The following LRP1B variants were observed in gnomAD, a reference collection of about 807,000 sequenced individuals.
The protein encoded by LRP1B is low-density lipoprotein receptor-related protein 1B.
LRP1B carries 217 observed loss-of-function variants against 556.6 expected under a neutral mutation model. The ratio of observed to expected loss-of-function variants is 0.39; its 90% CI spans 0.35 to 0.44. The LOEUF is 0.44. Among genes scored for constraint, LRP1B ranks in the 20% least tolerant of loss-of-function variants. LRP1B has a pLI of 1.00. For missense variants in LRP1B, 5,053 were observed against 5,620.8 expected, an observed-to-expected ratio of 0.90 and a Z score of 3.23; for synonymous variants, 2,047 against 1,865.8, an observed-to-expected ratio of 1.10 and a Z score of -2.50.
chr2:141,960,434 A>G (rs1047727572), intron 1 of LRP1B, among the ~76,000 whole-genome samples: 3 of 151,864 alleles, frequency 2.0e-5, no homozygotes, highest in Admixed American at 2.0e-4. Context: ...TTTAATTCTC[A>G]GGAAGGCTAT....
chr2:141,923,282 C>T (rs1471522808), intron 1 of LRP1B, among the ~76,000 whole-genome samples: 1 of 150,834 alleles, frequency 6.6e-6, no homozygotes, highest in Non-Finnish European at 1.5e-5. Context: ...TACAGATGGC[C>T]TAATATGTTA....
chr2:141,670,198 T>G (rs1474518484), intron 2 of LRP1B, among the ~76,000 whole-genome samples: 2 of 152,180 alleles, frequency 1.3e-5, no homozygotes, highest in Non-Finnish European at 1.5e-5. Context: ...CCCCTCAGCC[T>G]CTTCATTAGA....
intron 2 of LRP1B, among the ~76,000 whole-genome samples, chr2:141,547,548 C>T (rs116398712): frequency 0.013 from 2,014 of 152,242 alleles, 52 homozygotes; most frequent in African/African-American, 0.045. Context: ...ACTTCTCTAG[C>T]TGTAACTGTT....
intron 77 of LRP1B, among the ~76,000 whole-genome samples, chr2:140,348,302 A>AAAGTT (rs1426963300): frequency 6.6e-6 from 1 of 152,092 alleles, no homozygotes; most frequent in African/African-American, 2.4e-5. Flanking sequence ...TTTAGGAGGC[A>AAAGTT]AAGTTAAATA....
At chr2:141,867,295 G>A (rs1698443410) in intron 1 of LRP1B, among the ~76,000 whole-genome samples, 1 of 151,868 alleles carries the variant, frequency 6.6e-6, no homozygotes, top group Non-Finnish European at 1.5e-5. Flanking sequence ...TCTATCTAGG[G>A]TGCTCAGTCA....
intron 2 of LRP1B, among the ~76,000 whole-genome samples, chr2:141,720,624 T>C (rs900755524): frequency 3.3e-5 from 5 of 152,052 alleles, no homozygotes; most frequent in African/African-American, 1.2e-4. Context: ...TAAATAATAG[T>C]GTGATATGAT....
At chr2:141,130,830 G>A (rs10196638) in intron 7 of LRP1B, among the ~76,000 whole-genome samples, 151,800 of 152,238 alleles carry the variant, frequency 1, 75,681 homozygotes, top group Middle Eastern at 1. Flanking sequence ...TACACCATGG[G>A]ATACTATGCA....
intron 43 of LRP1B, among the ~76,000 whole-genome samples, chr2:140,594,727 G>A (rs1054005277): frequency 6.6e-6 from 1 of 152,054 alleles, no homozygotes; most frequent in Non-Finnish European, 1.5e-5. Context: ...ATTGCCTTCT[G>A]CTATCACTTG....
intron 32 of LRP1B, among the ~76,000 whole-genome samples, chr2:140,784,058 T>G (rs1326889531): frequency 6.6e-6 from 1 of 152,178 alleles, no homozygotes; most frequent in Non-Finnish European, 1.5e-5. Context: ...CCAGTGGGTC[T>G]TCACCTGAGA....
At chr2:141,823,463 C>T (rs1406727238) in intron 1 of LRP1B, among the ~76,000 whole-genome samples, 2 of 151,972 alleles carry the variant, frequency 1.3e-5, no homozygotes, top group Admixed American at 1.3e-4. Context: ...ATTATACTAA[C>T]AATCAGAAGT....
intron 2 of LRP1B, among the ~76,000 whole-genome samples, chr2:141,493,968 C>T (rs1574011008): frequency 6.6e-6 from 1 of 152,118 alleles, no homozygotes; most frequent in African/African-American, 2.4e-5. Context: ...CAATAATCAG[C>T]TAACTGACCC....
At chr2:141,526,791 T>C (rs897046731) in intron 2 of LRP1B, among the ~76,000 whole-genome samples, 1 of 152,122 alleles carries the variant, frequency 6.6e-6, no homozygotes, top group African/African-American at 2.4e-5. Context: ...CCCAGAACAG[T>C]ACTGCTAGTC....
chr2:140,310,713 A>G (rs543834207), intron 83 of LRP1B, among the ~76,000 whole-genome samples: 1 of 151,904 alleles, frequency 6.6e-6, no homozygotes, highest in East Asian at 1.9e-4. Flanking sequence ...GAATGAAATT[A>G]GAGCCCTAAC....
At chr2:140,729,128 A>T (rs1687691760) in intron 35 of LRP1B, among the ~76,000 whole-genome samples, 2 of 152,128 alleles carry the variant, frequency 1.3e-5, no homozygotes, top group South Asian at 4.1e-4. Context: ...ATAAAAAATA[A>T]AAAGAGAAGA....
chr2:142,065,849 C>T (rs1249963557), intron 1 of LRP1B, among the ~76,000 whole-genome samples: 1 of 151,350 alleles, frequency 6.6e-6, no homozygotes, highest in African/African-American at 2.4e-5. Flanking sequence ...TCCCAGATCC[C>T]TTTGAAATCA....
chr2:141,483,630 T>C (rs1338413211), intron 2 of LRP1B, among the ~76,000 whole-genome samples: 2 of 151,750 alleles, frequency 1.3e-5, no homozygotes, highest in African/African-American at 2.4e-5. Context: ...ACCTGTTGTT[T>C]CCTGACTTTT....
intron 41 of LRP1B, among the ~76,000 whole-genome samples, chr2:140,604,679 G>A (rs987340454): frequency 1.1e-4 from 17 of 152,090 alleles, no homozygotes; most frequent in Non-Finnish European, 2.2e-4. Context: ...GAAAACAGTC[G>A]CAGGTAAATC....
intron 2 of LRP1B, among the ~76,000 whole-genome samples, chr2:141,798,961 T>C (rs1695913719): frequency 6.6e-6 from 1 of 151,916 alleles, no homozygotes; most frequent in Admixed American, 6.6e-5. Context: ...CTCAGAGGGA[T>C]AACCCTGTGA....
chr2:141,051,872 T>C (rs1390597313), intron 10 of LRP1B, among the ~76,000 whole-genome samples: 1 of 152,054 alleles, frequency 6.6e-6, no homozygotes, highest in Non-Finnish European at 1.5e-5. Flanking sequence ...ATAGCATTCC[T>C]TTGTATGACT....
Sources: gnomAD v4.1 joint callset for allele counts (sites outside exome capture counted in the v4.1 genomes callset) on GRCh38, gnomAD v4.1.1 for gene constraint, MANE v1.5 for transcripts, NCBI Gene and HGNC (gene_info 2026-07-23, HGNC 2026-07-21) for gene names.